RYR2: variants seen among roughly 807,000 people sequenced by gnomAD.
RYR2 encodes ryanodine receptor 2, also known as cardiac muscle ryanodine receptor-calcium release channel.
A neutral mutation model predicts 601.1 loss-of-function variants in RYR2; 227 were observed. That is an observed-to-expected ratio of 0.38 (90% CI 0.34 to 0.42). The LOEUF (loss-of-function observed/expected upper bound fraction) is 0.42, where lower values mean the gene tolerates loss of function less well. RYR2 is among the 10% of genes least tolerant of loss of function. RYR2 has a pLI of 1.00. For missense variants in RYR2, 4,646 were observed against 6,156.5 expected, an observed-to-expected ratio of 0.75 and a Z score of 8.21; for synonymous variants, 2,223 against 2,175.1, an observed-to-expected ratio of 1.02 and a Z score of -0.61.
chr1:237,816,701 A>G (rs1007578258), intron 100 of RYR2, among the ~76,000 whole-genome samples: 1 of 152,136 alleles, frequency 6.6e-6, no homozygotes, highest in African/African-American at 2.4e-5. Flanking sequence ...AAGAAAAAAA[A>G]AAAAAGGAAA....
chr1:237,055,338 T>C (rs1242155633), intron 1 of RYR2, among the ~76,000 whole-genome samples: 1 of 151,716 alleles, frequency 6.6e-6, no homozygotes, highest in Non-Finnish European at 1.5e-5. Flanking sequence ...GGGAGAAAAA[T>C]GGGTCAGAGC....
At position 237,092,906 on chromosome 1, in the gene RYR2, T is replaced by A. The variant is rs151218867; in HGVS notation, c.48+50337T>A. On this transcript the variant is annotated intron_variant, in intron 1 of 104. Coordinates refer to ENST00000366574, the MANE Select transcript of RYR2 (RefSeq NM_001035.3). Reference sequence around the variant, plus strand: ...CAGCATTTCTTGGATAAATCCCACATAGCAGAATTGCCTTCTCCCTCCACA... The same window carrying A: ...CAGCATTTCTTGGATAAATCCCACAAAGCAGAATTGCCTTCTCCCTCCACA... Among the ~76,000 whole-genome samples, 32 of 152,296 alleles carry A rather than the reference T, an allele frequency of 2.1e-4. No individual in the cohort carries two copies. The East Asian group carries it at 6.0e-3, about 28-fold the overall frequency.
chr1:237,809,121 T>C, intron 100 of RYR2, 86 bp downstream of exon 100: 2 of 1,226,172 alleles, frequency 1.6e-6, no homozygotes, highest in Admixed American at 2.1e-5. Flanking sequence ...TCTCTAACAG[T>C]ACAAAATAGA....
At position 237,833,799 on chromosome 1, in the gene RYR2, GGAT is replaced by G. The variant is rs1664087114; in HGVS notation, c.*1156_*1158del. 6.6e-6 allele frequency: 1 copy of G among 152,494 alleles called. No individual in the cohort carries two copies. 9.4% of individuals were successfully genotyped at this position (152,494 alleles called of 1,614,324 possible). On this transcript the variant is annotated 3_prime_UTR_variant, in exon 105 of 105. Coordinates refer to ENST00000366574, the MANE Select transcript of RYR2 (RefSeq NM_001035.3). ...TTTCATCAGTTGCATCACAAAACAC[GGAT>G]GATAATATACATCACTCCATTTTTT...
At chr1:237,706,281 A>G (rs1357208781) in intron 67 of RYR2, among the ~76,000 whole-genome samples, 2 of 152,140 alleles carry the variant, frequency 1.3e-5, no homozygotes, top group Non-Finnish European at 2.9e-5. Flanking sequence ...AGCAAGGAGA[A>G]GAGAGTCAGT....
intron 71 of RYR2, among the ~76,000 whole-genome samples, chr1:237,713,007 G>A (rs948489580): frequency 1.3e-5 from 2 of 152,140 alleles, no homozygotes; most frequent in Non-Finnish European, 2.9e-5. Flanking sequence ...AAAAGTCACC[G>A]GATCCTCAGG....
intron 17 of RYR2, among the ~76,000 whole-genome samples, chr1:237,476,886 C>CA (rs1343628569): frequency 2.0e-5 from 3 of 152,140 alleles, no homozygotes; most frequent in Non-Finnish European, 4.4e-5. Flanking sequence ...ATTCAGGCAA[C>CA]ACTATTGACT....
intron 1 of RYR2, among the ~76,000 whole-genome samples, chr1:237,178,457 TG>T (rs1558375686): frequency 2.7e-5 from 4 of 147,392 alleles, no homozygotes; most frequent in African/African-American, 1.0e-4. Flanking sequence ...TGTGTGTGTG[TG>T]TGTGTGTGTG....
In RYR2 at chr1:237,708,998, A is replaced by G. The variant is rs2149067182; in HGVS notation, c.10042A>G (p.Met3348Val). 1.2e-6 allele frequency: 2 copies of G among 1,613,768 alleles called. No individual in the cohort carries two copies. The highest frequency in any genetic ancestry group is 1.7e-6 in the Non-Finnish European group (2 of 1,179,714). The change falls in exon 69 of 105, where the codon ATG (methionine) becomes GTG (valine). Residue 3348 changes from methionine (M) to valine (V), a missense_variant. Physicochemically the swap from Met to Val is conservative, Grantham distance 21. Around this residue, in one of 17 missense-constraint regions of RYR2, gnomAD observed 1,497 missense variants for 1,842.6 expected, o/e 0.81. Coordinates refer to ENST00000366574, the MANE Select transcript of RYR2 (RefSeq NM_001035.3). ...CCTGAAAGCTGAGGCCAGGGGGGAC[A>G]TGTCGGAGGCAGAACTCCTCATCCT... ...DHLKAEARGD[M>V]SEAELLILDE...
intron 2 of RYR2, among the ~76,000 whole-genome samples, chr1:237,288,084 C>T (rs544419714): frequency 6.6e-6 from 1 of 152,288 alleles, no homozygotes; most frequent in African/African-American, 2.4e-5. Flanking sequence ...TGTCTGTCTG[C>T]TGGATCTAGC....
chr1:237,533,803 G>T (rs1001026275), intron 25 of RYR2, among the ~76,000 whole-genome samples: 1 of 152,034 alleles, frequency 6.6e-6, no homozygotes, highest in Non-Finnish European at 1.5e-5. Flanking sequence ...ATATAGGCAG[G>T]GATGTAAGAT....
chr1:237,146,581 G>C (rs900681445), intron 1 of RYR2, among the ~76,000 whole-genome samples: 3 of 152,110 alleles, frequency 2.0e-5, no homozygotes, highest in Non-Finnish European at 2.9e-5. Flanking sequence ...TGTTTTTCTT[G>C]ACTAGTTCAA....
chr1:237,416,464 C>T (rs1180724746), intron 10 of RYR2, among the ~76,000 whole-genome samples: 1 of 152,024 alleles, frequency 6.6e-6, no homozygotes, highest in African/African-American at 2.4e-5. Context: ...AATTTGGGTG[C>T]ATGTGATATG....
At chr1:237,665,218 G>A (rs894729687) in intron 56 of RYR2, among the ~76,000 whole-genome samples, 4 of 151,968 alleles carry the variant, frequency 2.6e-5, no homozygotes, top group African/African-American at 7.3e-5. Flanking sequence ...GCCCAATATG[G>A]TGAAACCCCG....
At chr1:237,795,354 A>G (rs373097461) in intron 96 of RYR2, 23 bp downstream of exon 96, 35 of 1,279,790 alleles carry the variant, frequency 2.7e-5, no homozygotes, top group South Asian at 9.7e-5. Context: ...GGAATCCTCT[A>G]CATTTTTCTT....
chr1:237,196,150 A>G (rs1423766647), intron 1 of RYR2, among the ~76,000 whole-genome samples: 1 of 152,180 alleles, frequency 6.6e-6, no homozygotes, highest in Non-Finnish European at 1.5e-5. Flanking sequence ...TGGTCTAGGA[A>G]GTGTCCTTTT....
chr1:237,595,796 C>CATT, intron 34 of RYR2, 139 bp downstream of exon 34: 1 of 1,029,184 alleles, frequency 9.7e-7, no homozygotes, highest in Middle Eastern at 3.2e-4. Context: ...GCCGAGCAGA[C>CATT]CTGCCCCTAG....
In RYR2 at chr1:237,223,261, G is replaced by A. The variant is rs543226817; in HGVS notation, c.49-47236G>A. On this transcript the variant is annotated intron_variant, in intron 1 of 104. Transcript: ENST00000366574. ...GTCCAGGATCAAGGTACTGGCATCT[G>A]GTTAGGGTCTTCTTGCTGTGTCCTC... 1.5e-4 allele frequency among the ~76,000 whole-genome samples: 23 copies of A among 152,260 alleles called. No individual in the cohort carries two copies. In the East Asian group the frequency reaches 2.7e-3, roughly 18 times the overall value.
rs1690644849 is a variant in RYR2, at chr1:237,279,560, A to C, written c.168+8944A>C. ...AGTGATAGTTTTTAAGTGTTTGAGA[A>C]TGATTATTATAGAAATTTTTAATTG... is the stretch of plus-strand genomic sequence containing the variant. On this transcript the variant is annotated intron_variant, in intron 2 of 104. Transcript: ENST00000366574. 3.3e-5 allele frequency among the ~76,000 whole-genome samples: 5 copies of C among 152,320 alleles called. No individual in the cohort carries two copies. The South Asian group carries it at 1.0e-3, about 32-fold the overall frequency.
Sources: gnomAD v4.1 joint callset for allele counts (sites outside exome capture counted in the v4.1 genomes callset) on GRCh38, gnomAD v4.1.1 for gene constraint, gnomAD v4.1.1 regional missense constraint, MANE v1.5 for transcripts, NCBI Gene and HGNC (gene_info 2026-07-23, HGNC 2026-07-21) for gene names.